ATAD3B: variants seen among roughly 807,000 people sequenced by gnomAD.
ATAD3B encodes ATPase family AAA domain containing 3B, also known as ATPase family AAA domain-containing protein 3B.
ATAD3B carries 59 observed loss-of-function variants against 70.2 expected under a neutral mutation model. The ratio of observed to expected loss-of-function variants is 0.84; its 90% CI spans 0.68 to 1.04. The LOEUF (loss-of-function observed/expected upper bound fraction) is 1.04. ATAD3B is among the 50% of genes least tolerant of loss of function. The probability of loss-of-function intolerance (pLI) is 0.00; values close to 1 mark genes in which losing one functional copy is unlikely to be tolerated. For synonymous variants in ATAD3B, 423 were observed against 388.6 expected, an observed-to-expected ratio of 1.09 and a Z score of -1.04; for missense variants, 961 against 913.4, an observed-to-expected ratio of 1.05 and a Z score of -0.67.
In ATAD3B at chr1:1,495,924, C is replaced by T. The variant is rs990507746; in HGVS notation, c.*107C>T. On this transcript the variant is annotated 3_prime_UTR_variant, in exon 16 of 16. Coordinates refer to ENST00000673477, the MANE Select transcript of ATAD3B (RefSeq NM_031921.6). ...GGAGGGTGAGGCTTTGTACCCCAGC[C>T]CCTGCCCAGGCCACTGTGAGGGTGG... 4.5e-5 allele frequency: 65 copies of T among 1,430,118 alleles called. 1 individual carries two copies. The highest frequency in any genetic ancestry group is 5.6e-5 in the Admixed American group (2 of 35,484). The allele number at this position is 1,430,118 out of a possible 1,614,324, so 88.6% of individuals were successfully genotyped here. A position where few individuals can be genotyped will look rare whatever the true frequency, so the allele number is the denominator to read the frequency against.
rs142344235 is a variant in ATAD3B, at chr1:1,482,614, G to T, written c.750G>T (p.Thr250=). The T allele has an allele frequency of 6.2e-7, 1 of 1,613,394 alleles. No individual in the cohort carries two copies. Among genetic ancestry groups the T allele is most frequent in the Non-Finnish European group, 8.5e-7 (1 of 1,179,586 alleles). The change falls in exon 7 of 16, where the codon ACG becomes ACT. Residue 250 remains threonine, a splice_region_variant and synonymous_variant. Transcript: ENST00000673477. The part of the protein sequence containing the change: ...FVTDRDKVTA[T]VAGLTLLAVG... ...CAGACCGGGACAAAGTGACAGCCAC[G>T]GTAAACATATTCATAAAACAGGGCT...
chr1:1,482,807 C>T, intron 7 of ATAD3B, 193 bp downstream of exon 7: 3 of 818,398 alleles, frequency 3.7e-6, no homozygotes, highest in Admixed American at 2.5e-5. Flanking sequence ...ATGCAGTTGC[C>T]AGCCTGGGCC....
downstream of ATAD3B, among the ~76,000 whole-genome samples, chr1:1,498,361 TG>T (rs1355946877): frequency 6.6e-6 from 1 of 151,824 alleles, no homozygotes; most frequent in Non-Finnish European, 1.5e-5. Flanking sequence ...CCCAGCTTGT[TG>T]GCTTAGCTAG....
At chr1:1,478,227 C>G in intron 2 of ATAD3B, 1 of 485,738 alleles carries the variant, frequency 2.1e-6, no homozygotes, top group South Asian at 2.5e-5. Context: ...GAACTCCTGA[C>G]CTCAGGTGAT....
downstream of ATAD3B, among the ~76,000 whole-genome samples, chr1:1,502,507 AT>A (rs1177153786): frequency 2.8e-3 from 234 of 82,838 alleles, no homozygotes; most frequent in South Asian, 7.3e-3. Flanking sequence ...CGTGCCCAGC[AT>A]TTTTTTTTTT....
intron 7 of ATAD3B, chr1:1,483,151 G>A (rs819973): frequency 1 from 407,050 of 407,320 alleles, 203,390 homozygotes; most frequent in Admixed American, 1. Flanking sequence ...AAAAAGAAAA[G>A]AATTAGCTGG....
chr1:1,504,920 TCAA>T, the ATAD3B span, among the ~76,000 whole-genome samples: 3 of 150,748 alleles, frequency 2.0e-5, no homozygotes, highest in Non-Finnish European at 4.4e-5. Flanking sequence ...ACTTTGTCCT[TCAA>T]CAGTTTGTGT....
chr1:1,505,818 AATG>A, the ATAD3B span, among the ~76,000 whole-genome samples: 2 of 152,216 alleles, frequency 1.3e-5, no homozygotes, highest in Non-Finnish European at 2.9e-5. Context: ...GCTACAAACT[AATG>A]ATGAATGATA....
chr1:1,502,077 C>T (rs955460790), downstream of ATAD3B, among the ~76,000 whole-genome samples: 1 of 151,978 alleles, frequency 6.6e-6, no homozygotes, highest in Admixed American at 6.6e-5. Context: ...TGGGATTTCA[C>T]CATGTTGGCC....
chr1:1,477,697 A>G (rs1272556572), intron 2 of ATAD3B, among the ~76,000 whole-genome samples: 1 of 150,506 alleles, frequency 6.6e-6, no homozygotes, highest in Non-Finnish European at 1.5e-5. Flanking sequence ...ATTTTATTTT[A>G]TTTTATTTTA....
At position 1,476,698 on chromosome 1, in the gene ATAD3B, C is replaced by T. The variant is rs539451080; in HGVS notation, c.206-576C>T. On this transcript the variant is annotated intron_variant, in intron 1 of 15. Coordinates refer to ENST00000673477, the MANE Select transcript of ATAD3B (RefSeq NM_031921.6). ...TAATTTTTTGTATTTTTAGTAGAGACGGGGTTTCACTGTGTTAACCAGGAT... is the reference window on the plus strand; with the variant it reads ...TAATTTTTTGTATTTTTAGTAGAGATGGGGTTTCACTGTGTTAACCAGGAT... 4.0e-5 allele frequency among the ~76,000 whole-genome samples: 6 copies of T among 151,766 alleles called. No homozygotes were observed. In the East Asian group the frequency reaches 7.8e-4, roughly 20 times the overall value.
chr1:1,473,149 T>C (rs1050827528), intron 1 of ATAD3B, among the ~76,000 whole-genome samples: 42 of 141,528 alleles, frequency 3.0e-4, no homozygotes, highest in Non-Finnish European at 6.3e-4. Flanking sequence ...TTTTTTTTTT[T>C]TTTTTTTTTG....
intron 15 of ATAD3B, among the ~76,000 whole-genome samples, chr1:1,491,458 G>A (rs1640536828): frequency 1.3e-5 from 2 of 151,940 alleles, no homozygotes; most frequent in Admixed American, 1.3e-4. Flanking sequence ...TTGACCCGGG[G>A]AGTTGGAGGT....
Position 1,495,909 on chromosome 1 carries a change from G to T in ATAD3B, c.*92G>T, listed in dbSNP as rs1157954423. On this transcript the variant is annotated 3_prime_UTR_variant, in exon 16 of 16. Coordinates refer to ENST00000673477, the MANE Select transcript of ATAD3B (RefSeq NM_031921.6). ...GTCTGGCTCACAGGGGGAGGGTGAG[G>T]CTTTGTACCCCAGCCCCTGCCCAGG... The T allele has an allele frequency of 2.1e-6, 3 of 1,453,028 alleles. No homozygotes were observed. The highest frequency in any genetic ancestry group is 9.0e-7 in the Non-Finnish European group (1 of 1,107,438). 90.0% of individuals were successfully genotyped at this position (1,453,028 alleles called of 1,614,324 possible). A position where few individuals can be genotyped will look rare whatever the true frequency, so the allele number is the denominator to read the frequency against.
chr1:1,480,118 C>T (rs1302505345), intron 4 of ATAD3B, among the ~76,000 whole-genome samples: 1 of 145,750 alleles, frequency 6.9e-6, no homozygotes, highest in East Asian at 2.1e-4. Context: ...CACACGGGCA[C>T]GTGTACGCAC....
At chr1:1,500,060 G>A (rs1460861011), downstream of ATAD3B, among the ~76,000 whole-genome samples, 2 of 150,940 alleles carry the variant, frequency 1.3e-5, no homozygotes, top group Admixed American at 1.3e-4. Context: ...GACACGCCCG[G>A]CTAAGTTTTT....
intron 2 of ATAD3B, 195 bp from the exon 3 acceptor site, chr1:1,478,449 G>T: frequency 1.3e-6 from 2 of 1,535,798 alleles, no homozygotes; most frequent in Non-Finnish European, 1.8e-6. Context: ...CTCTGCTGGT[G>T]CTTCTGTGCC....
chr1:1,488,304 C>T (rs879477626), intron 12 of ATAD3B, among the ~76,000 whole-genome samples: 1 of 151,950 alleles, frequency 6.6e-6, no homozygotes, highest in Non-Finnish European at 1.5e-5. Context: ...GGCTGGAGTG[C>T]AGGGGCGACA....
chr1:1,504,928 TTGTGTGTG>T, the ATAD3B span, among the ~76,000 whole-genome samples: 1 of 149,418 alleles, frequency 6.7e-6, no homozygotes, highest in Non-Finnish European at 1.5e-5. Flanking sequence ...CTTCAACAGT[TTGTGTGTG>T]TGTGTGTGTG....
Sources: allele counts gnomAD v4.1 joint callset (sites outside exome capture counted in the v4.1 genomes callset), GRCh38; gene constraint gnomAD v4.1.1; transcripts MANE v1.5; gene names NCBI Gene and HGNC (gene_info 2026-07-23, HGNC 2026-07-21).